Variants in DPP10 observed in about 807,000 individuals in gnomAD.
DPP10 encodes the protein dipeptidyl peptidase like 10.
In DPP10, 33 loss-of-function variants were observed where a neutral mutation model predicts 120.9. That is an observed-to-expected ratio of 0.27 (90% CI 0.21 to 0.37). The LOEUF is 0.37. Ranked by LOEUF, DPP10 falls within the 10% of genes least tolerant of loss-of-function variation. The pLI is 1.00. For missense variants in DPP10, 816 were observed against 942.8 expected (o/e 0.87, Z 1.76); for synonymous variants, 337 against 326.1 (o/e 1.03, Z -0.36).
intron 3 of DPP10, among the ~76,000 whole-genome samples, chr2:115,494,789 G>A (rs1053088590): frequency 2.0e-5 from 3 of 152,158 alleles, no homozygotes; most frequent in African/African-American, 7.2e-5. Flanking sequence ...AGTTTTAAAT[G>A]AAGATTATGT....
At chr2:115,642,874 A>G (rs1045050890) in intron 5 of DPP10, among the ~76,000 whole-genome samples, 3 of 152,098 alleles carry the variant, frequency 2.0e-5, no homozygotes, top group Non-Finnish European at 2.9e-5. Context: ...GATTTAAAAT[A>G]TACTATGTTG....
At chr2:114,513,607 A>T (rs1309079213) in intron 1 of DPP10, among the ~76,000 whole-genome samples, 1 of 146,054 alleles carries the variant, frequency 6.8e-6, no homozygotes, top group Admixed American at 6.8e-5. Context: ...AACAGAAGAA[A>T]GGAAGGAAGG....
At chr2:115,742,216 T>G (rs1349867604) in intron 9 of DPP10, among the ~76,000 whole-genome samples, 3 of 152,126 alleles carry the variant, frequency 2.0e-5, no homozygotes, top group African/African-American at 7.2e-5. Context: ...GGGAAAAAAC[T>G]CAAATCTATT....
chr2:115,050,009 T>G (rs953865867), intron 1 of DPP10: 2 of 152,164 alleles, frequency 1.3e-5, no homozygotes, highest in African/African-American at 2.4e-5. Context: ...CGTAAGTCCG[T>G]AGGAAGAATT....
intron 5 of DPP10, among the ~76,000 whole-genome samples, chr2:115,604,559 CACA>C (rs1236748177): frequency 6.6e-6 from 1 of 152,170 alleles, no homozygotes; most frequent in Non-Finnish European, 1.5e-5. Flanking sequence ...TATCATGATT[CACA>C]ACTAGTGTCT....
chr2:114,989,416 G>A (rs1700622493), intron 1 of DPP10, among the ~76,000 whole-genome samples: 2 of 152,166 alleles, frequency 1.3e-5, no homozygotes, highest in Non-Finnish European at 2.9e-5. Flanking sequence ...CAAAAAGAGG[G>A]AAAAGGGGAA....
chr2:114,602,689 C>T (rs1692468406), intron 1 of DPP10, among the ~76,000 whole-genome samples: 1 of 152,014 alleles, frequency 6.6e-6, no homozygotes. Context: ...CTTTTACACA[C>T]ATAAGGGAGA....
Position 115,603,574 on chromosome 2 carries a change from T to TTG in DPP10, c.441+77603_441+77604insGT, listed in dbSNP as rs1553459842. 1.5e-4 allele frequency among the ~76,000 whole-genome samples: 21 copies of TTG among 137,104 alleles called. 1 individual carries two copies. The highest frequency in any genetic ancestry group is 7.2e-4 in the East Asian group (3 of 4,162). 89.9% of individuals were successfully genotyped at this position (137,104 alleles called of 152,430 possible). On this transcript the variant is annotated intron_variant, in intron 5 of 25. Transcript: ENST00000410059. ...TCGTTGTTGTTGTTTTTTTTTGTTT[T>TTG]TTTTTTTTTTGGATTTCTTGACAGC...
At chr2:115,265,275 A>G (rs2059413575) in intron 1 of DPP10, among the ~76,000 whole-genome samples, 1 of 146,360 alleles carries the variant, frequency 6.8e-6, no homozygotes, top group Non-Finnish European at 1.5e-5. Context: ...TTCCATATAT[A>G]TATATATATA....
chr2:115,511,385 G>A (rs1414772085), intron 4 of DPP10, among the ~76,000 whole-genome samples: 2 of 151,948 alleles, frequency 1.3e-5, no homozygotes, highest in African/African-American at 4.8e-5. Flanking sequence ...TCTGTTACAT[G>A]TTCATTTCTG....
chr2:115,226,897 A>G (rs2057461426), intron 1 of DPP10, among the ~76,000 whole-genome samples: 2 of 152,184 alleles, frequency 1.3e-5, no homozygotes, highest in African/African-American at 2.4e-5. Flanking sequence ...TCCATGAGGC[A>G]TATGGTTGCA....
At chr2:115,475,493 C>A (rs542026829) in intron 3 of DPP10, among the ~76,000 whole-genome samples, 47 of 152,344 alleles carry the variant, frequency 3.1e-4, no homozygotes, top group Non-Finnish European at 5.7e-4. Flanking sequence ...CATGGAGAAC[C>A]TCCAGGAAGC....
At chr2:115,353,132 A>G (rs2064144572) in intron 3 of DPP10, among the ~76,000 whole-genome samples, 1 of 152,144 alleles carries the variant, frequency 6.6e-6, no homozygotes, top group Non-Finnish European at 1.5e-5. Context: ...TTTTAAAAAC[A>G]GATGTTGCAA....
rs138507404 is a variant in DPP10, at chr2:115,372,863, T to A, written c.271+28951T>A. Among the ~76,000 whole-genome samples, 832 of 152,322 alleles carry A rather than the reference T, an allele frequency of 5.5e-3. 7 individuals are homozygous for A. The highest frequency in any genetic ancestry group is 0.018 in the African/African-American group (753 of 41,572). On this transcript the variant is annotated intron_variant, in intron 3 of 25. Coordinates refer to ENST00000410059, the MANE Select transcript of DPP10 (RefSeq NM_020868.6). ...TTAGCCTAGATCTTTACTTTGACTT[T>A]ATGCCAATTATTTAACTTGCTTTTG...
intron 1 of DPP10, among the ~76,000 whole-genome samples, chr2:114,682,438 A>C (rs1427834851): frequency 6.6e-6 from 1 of 151,910 alleles, no homozygotes; most frequent in Non-Finnish European, 1.5e-5. Flanking sequence ...TTTCTTTTAA[A>C]TGTAATAATG....
At chr2:114,985,528 G>A (rs1700343081) in intron 1 of DPP10, among the ~76,000 whole-genome samples, 1 of 152,172 alleles carries the variant, frequency 6.6e-6, no homozygotes, top group East Asian at 1.9e-4. Context: ...TGAGCAAAAT[G>A]CCTGGCATGT....
At chr2:114,995,482 C>A in intron 1 of DPP10, among the ~76,000 whole-genome samples, 1 of 152,086 alleles carries the variant, frequency 6.6e-6, no homozygotes, top group East Asian at 1.9e-4. Context: ...AGTTTAGAAC[C>A]CCTGCTTAAA....
rs10565038 is a variant in DPP10, at chr2:115,105,422, TGAGAGAGAGAGAGAGAGAGA to T, written c.61-203801_61-203782del. On this transcript the variant is annotated intron_variant, in intron 1 of 25. Coordinates refer to ENST00000410059, the MANE Select transcript of DPP10 (RefSeq NM_020868.6). ...AAAGGGGAGCAGATGTGTCACATGG[TGAGAGAGAGAGAGAGAGAGA>T]GAGAGAGAGAGAGAGGAGAAGCAGG... Among the ~76,000 whole-genome samples, 1,136 of 146,238 alleles carry T rather than the reference TGAGAGAGAGAGAGAGAGAGA, an allele frequency of 7.8e-3. 10 individuals carry two copies. Among genetic ancestry groups the T allele is most frequent in the African/African-American group, 0.027 (1,090 of 39,760 alleles).
chr2:114,537,338 A>G (rs1311628355), intron 1 of DPP10, among the ~76,000 whole-genome samples: 2 of 152,190 alleles, frequency 1.3e-5, no homozygotes, highest in Admixed American at 6.5e-5. Context: ...AAAAGCAGTT[A>G]GGATCTCTCG....
Sources: gnomAD v4.1 joint callset for allele counts (sites outside exome capture counted in the v4.1 genomes callset) on GRCh38, gnomAD v4.1.1 for gene constraint, MANE v1.5 for transcripts, NCBI Gene and HGNC (gene_info 2026-07-23, HGNC 2026-07-21) for gene names.